Variants in MIPOL1 observed in about 807,000 individuals in gnomAD.
The protein encoded by MIPOL1 is mirror-image polydactyly gene 1 protein.
In MIPOL1, 57 loss-of-function variants were observed where a neutral mutation model predicts 60.9. The ratio of observed to expected loss-of-function variants is 0.94; its 90% confidence interval spans 0.76 to 1.17. MIPOL1 has a LOEUF of 1.17. Among genes scored for constraint, MIPOL1 ranks in the 50% most tolerant of loss-of-function variants. MIPOL1 has a pLI of 0.00. For synonymous variants in MIPOL1, 179 were observed against 168.8 expected, an observed-to-expected ratio of 1.06 and a Z score of -0.47; for missense variants, 551 against 511.6, an observed-to-expected ratio of 1.08 and a Z score of -0.74.
intron 9 of MIPOL1, among the ~76,000 whole-genome samples, chr14:37,336,732 T>C (rs1257655041): frequency 1.3e-5 from 2 of 152,036 alleles, no homozygotes; most frequent in African/African-American, 4.8e-5. Flanking sequence ...CCTTTTCATA[T>C]GCCTTGCAAT....
intron 9 of MIPOL1, among the ~76,000 whole-genome samples, chr14:37,325,580 TTC>T (rs923034624): frequency 6.6e-6 from 1 of 151,818 alleles, no homozygotes; most frequent in Admixed American, 6.6e-5. Context: ...CTCTTCTTCC[TTC>T]TCTTTTTCTC....
At chr14:37,326,016 A>C (rs763124684) in intron 9 of MIPOL1, among the ~76,000 whole-genome samples, 10 of 152,174 alleles carry the variant, frequency 6.6e-5, no homozygotes, top group Non-Finnish European at 1.3e-4. Flanking sequence ...ATAGGAAGCA[A>C]ATATTTTGCT....
chr14:37,532,236 A>T (rs183827213), intron 12 of MIPOL1, among the ~76,000 whole-genome samples: 1 of 152,308 alleles, frequency 6.6e-6, no homozygotes, highest in Non-Finnish European at 1.5e-5. Flanking sequence ...CAGTAAATAA[A>T]TTTGAACATA....
chr14:37,261,485 T>C (rs780387229), intron 3 of MIPOL1, among the ~76,000 whole-genome samples: 5 of 152,034 alleles, frequency 3.3e-5, no homozygotes, highest in Non-Finnish European at 7.4e-5. Flanking sequence ...ATTGAGAAAA[T>C]TTAAAATATG....
chr14:37,200,886 G>T (rs865953385), intron 1 of MIPOL1, among the ~76,000 whole-genome samples: 4 of 85,352 alleles, frequency 4.7e-5, no homozygotes, highest in African/African-American at 2.8e-4. Context: ...GTGTGTGTGT[G>T]TGTGTGTGTG....
intron 12 of MIPOL1, among the ~76,000 whole-genome samples, chr14:37,509,960 CTA>C (rs762500704): frequency 3.3e-5 from 5 of 150,510 alleles, no homozygotes; most frequent in African/African-American, 2.4e-5. Context: ...AACCTGAAAA[CTA>C]TATATATATA....
intron 12 of MIPOL1, chr14:37,503,467 A>C (rs898552646): frequency 6.6e-6 from 1 of 152,188 alleles, no homozygotes; most frequent in African/African-American, 2.4e-5. Context: ...TCTTAAAGAA[A>C]AGAATTTTCA....
At chr14:37,464,629 G>A (rs1469315665) in intron 11 of MIPOL1, among the ~76,000 whole-genome samples, 1 of 152,104 alleles carries the variant, frequency 6.6e-6, no homozygotes, top group Non-Finnish European at 1.5e-5. Context: ...ATTGCCTGTT[G>A]GGTACAATGT....
intron 10 of MIPOL1, among the ~76,000 whole-genome samples, chr14:37,385,961 C>G (rs1326369079): frequency 6.6e-6 from 1 of 151,786 alleles, no homozygotes; most frequent in Non-Finnish European, 1.5e-5. Context: ...CTTTTTATAT[C>G]TTTTGCTTTA....
intron 11 of MIPOL1, among the ~76,000 whole-genome samples, chr14:37,494,893 G>A (rs1032877369): frequency 1.3e-5 from 2 of 152,072 alleles, no homozygotes; most frequent in African/African-American, 2.4e-5. Flanking sequence ...GGTTTCCAAG[G>A]TATTTTGAAT....
chr14:37,356,364 G>T (rs1178912749), intron 9 of MIPOL1, among the ~76,000 whole-genome samples: 5 of 152,090 alleles, frequency 3.3e-5, no homozygotes, highest in African/African-American at 4.8e-5. Flanking sequence ...CTTTTTGTTT[G>T]TCTGTGCCCT....
At chr14:37,280,625 A>G (rs1036400782) in intron 6 of MIPOL1, among the ~76,000 whole-genome samples, 19 of 152,036 alleles carry the variant, frequency 1.2e-4, no homozygotes, top group African/African-American at 4.6e-4. Context: ...TTTTTGAGAA[A>G]TATTTGTTAG....
intron 6 of MIPOL1, among the ~76,000 whole-genome samples, chr14:37,270,728 A>G (rs577673917): frequency 7.0e-6 from 1 of 143,486 alleles, no homozygotes; most frequent in Non-Finnish European, 1.5e-5. Context: ...ACCTGTATTC[A>G]TACTGATTTG....
At chr14:37,437,715 G>A (rs1453092157) in intron 11 of MIPOL1, among the ~76,000 whole-genome samples, 1 of 152,052 alleles carries the variant, frequency 6.6e-6, no homozygotes, top group Non-Finnish European at 1.5e-5. Context: ...TCAATTTCCT[G>A]ACCTGCAAAG....
chr14:37,277,662 G>T (rs2083780727), intron 6 of MIPOL1: 1 of 151,244 alleles, frequency 6.6e-6, no homozygotes, highest in African/African-American at 2.4e-5. Context: ...CTGTACTGAT[G>T]CTGAGTGTAT....
At chr14:37,516,114 T>G (rs2095367400) in intron 12 of MIPOL1, among the ~76,000 whole-genome samples, 1 of 152,230 alleles carries the variant, frequency 6.6e-6, no homozygotes, top group Non-Finnish European at 1.5e-5. Context: ...ACCTCCAGCC[T>G]TGTCTATTCA....
At chr14:37,417,030 A>G (rs746481338) in intron 10 of MIPOL1, among the ~76,000 whole-genome samples, 13 of 152,162 alleles carry the variant, frequency 8.5e-5, no homozygotes, top group Non-Finnish European at 1.5e-4. Context: ...CTAAGATATA[A>G]AGTACAGTTA....
intron 1 of MIPOL1, among the ~76,000 whole-genome samples, chr14:37,209,373 A>G (rs567840046): frequency 6.6e-5 from 10 of 152,278 alleles, no homozygotes; most frequent in African/African-American, 2.2e-4. Flanking sequence ...ATTATATAAC[A>G]TAAGGCTGGG....
intron 10 of MIPOL1, among the ~76,000 whole-genome samples, chr14:37,377,600 A>G (rs964857598): frequency 2.6e-5 from 4 of 152,080 alleles, no homozygotes; most frequent in African/African-American, 4.8e-5. Flanking sequence ...ACATCTATCA[A>G]TTAATGGTAC....
Sources: gnomAD v4.1 joint callset for allele counts (sites outside exome capture counted in the v4.1 genomes callset) on GRCh38, gnomAD v4.1.1 for gene constraint, MANE v1.5 for transcripts, NCBI Gene and HGNC (gene_info 2026-07-23, HGNC 2026-07-21) for gene names.